PARD3B: variants seen among roughly 807,000 people sequenced by gnomAD.
PARD3B encodes par-3 family cell polarity regulator beta.
In PARD3B, 103 loss-of-function variants were observed where a neutral mutation model predicts 130.2. The observed-to-expected ratio is 0.79, with a 90% CI of 0.67 to 0.93. PARD3B has a LOEUF of 0.93. PARD3B is among the 40% of genes least tolerant of loss of function. PARD3B has a pLI of 0.00. For synonymous variants in PARD3B, 583 were observed against 553.2 expected (o/e 1.05, Z -0.76); for missense variants, 1,609 against 1,499.2 (o/e 1.07, Z -1.21).
At chr2:205,157,049 C>T (rs1360524293) in intron 10 of PARD3B, among the ~76,000 whole-genome samples, 1 of 152,126 alleles carries the variant, frequency 6.6e-6, no homozygotes, top group East Asian at 1.9e-4. Flanking sequence ...TAGACAAAAG[C>T]CAGAGAACCT....
intron 2 of PARD3B, among the ~76,000 whole-genome samples, chr2:204,726,236 A>G (rs563589169): frequency 1.3e-4 from 20 of 152,268 alleles, no homozygotes; most frequent in Admixed American, 1.3e-3. Flanking sequence ...GAGTAATGCA[A>G]TTTTAATGAG....
chr2:204,989,193 A>G (rs6748535), intron 3 of PARD3B, among the ~76,000 whole-genome samples: 151,148 of 152,256 alleles, frequency 0.99, 75,038 homozygotes, highest in Middle Eastern at 1. Flanking sequence ...CGATTTTTCA[A>G]AGGAAGTGAG....
Position 205,066,927 on chromosome 2 carries a change from T to A in PARD3B, c.504+19237T>A, listed in dbSNP as rs146077896. ...GAGTTGAAACTGACTTGGAGTCAGC[T>A]TCCCCTGAATCCCATGCAGTGCGTG... On this transcript the variant is annotated intron_variant, in intron 4 of 22. Transcript: ENST00000406610. 1.5e-3 allele frequency among the ~76,000 whole-genome samples: 222 copies of A among 152,100 alleles called. 1 individual carries two copies. The highest frequency in any genetic ancestry group is 5.3e-3 in the African/African-American group (218 of 41,510).
chr2:205,023,804 C>T (rs1167783364), intron 3 of PARD3B, among the ~76,000 whole-genome samples: 1 of 152,110 alleles, frequency 6.6e-6, no homozygotes, highest in East Asian at 1.9e-4. Flanking sequence ...GTTAAGACTA[C>T]ACTGCCTTTC....
At chr2:204,857,211 A>G (rs1446517101) in intron 2 of PARD3B, among the ~76,000 whole-genome samples, 2 of 152,176 alleles carry the variant, frequency 1.3e-5, no homozygotes, top group African/African-American at 4.8e-5. Flanking sequence ...TCTTCAGTTA[A>G]TATCATTCAG....
chr2:204,734,296 A>AC (rs1263778520), intron 2 of PARD3B, among the ~76,000 whole-genome samples: 2 of 152,048 alleles, frequency 1.3e-5, no homozygotes, highest in Admixed American at 1.3e-4. Flanking sequence ...AGCAGCTTGA[A>AC]CTCTCATACA....
chr2:204,618,909 T>C (rs889116150), intron 1 of PARD3B, among the ~76,000 whole-genome samples: 2 of 152,216 alleles, frequency 1.3e-5, no homozygotes, highest in Non-Finnish European at 2.9e-5. Context: ...TTCTATCTTA[T>C]TTTGTTCATT....
chr2:204,882,767 A>G (rs558749603), intron 2 of PARD3B, among the ~76,000 whole-genome samples: 1 of 152,260 alleles, frequency 6.6e-6, no homozygotes, highest in Admixed American at 6.5e-5. Context: ...CTCATCACTG[A>G]TTTAGATGGC....
intron 15 of PARD3B, among the ~76,000 whole-genome samples, chr2:205,242,644 C>T (rs1396127523): frequency 1.3e-5 from 2 of 152,152 alleles, no homozygotes; most frequent in Non-Finnish European, 2.9e-5. Context: ...ATTATTTTCT[C>T]TCTTTAGTTC....
intron 21 of PARD3B, among the ~76,000 whole-genome samples, chr2:205,546,154 T>TGGATTA (rs2052370074): frequency 6.6e-6 from 1 of 152,212 alleles, no homozygotes; most frequent in Non-Finnish European, 1.5e-5. Context: ...CCTGATAGGC[T>TGGATTA]TGTCACAGGC....
chr2:205,606,437 C>T (rs1299275829), intron 22 of PARD3B, among the ~76,000 whole-genome samples: 1 of 152,162 alleles, frequency 6.6e-6, no homozygotes, highest in East Asian at 1.9e-4. Flanking sequence ...TCATGCCACC[C>T]ACCTAGTCAG....
chr2:205,205,761 T>G (rs1219175073), intron 15 of PARD3B, among the ~76,000 whole-genome samples: 4 of 152,228 alleles, frequency 2.6e-5, no homozygotes, highest in African/African-American at 9.6e-5. Flanking sequence ...TTGATTTGCG[T>G]ATGTTGAACC....
Position 205,067,095 on chromosome 2 carries a change from C to CTTTTTTTTTTTTTTTTTTTTTTTTTTT in PARD3B, c.504+19408_504+19434dup, listed in dbSNP as rs10672449. 1.5e-4 allele frequency among the ~76,000 whole-genome samples: 9 copies of CTTTTTTTTTTTTTTTTTTTTTTTTTTT among 59,712 alleles called. 3 individuals are homozygous for CTTTTTTTTTTTTTTTTTTTTTTTTTTT. Among genetic ancestry groups the CTTTTTTTTTTTTTTTTTTTTTTTTTTT allele is most frequent in the African/African-American group, 5.1e-4 (7 of 13,666 alleles). 39.2% of individuals were successfully genotyped at this position (59,712 alleles called of 152,430 possible). A position where few individuals can be genotyped will look rare whatever the true frequency, so the allele number is the denominator to read the frequency against. On this transcript the variant is annotated intron_variant, in intron 4 of 22. Coordinates refer to ENST00000406610, the MANE Select transcript of PARD3B (RefSeq NM_001302769.2). The stretch of plus-strand genomic sequence containing the variant: ...GCATCTTGCATCCACTTTTACTAGG[C>CTTTTTTTTTTTTTTTTTTTTTTTTTTT]TTTTTTTTTTTTTTTTTTTTTTTTT...
At chr2:205,047,308 C>T (rs977637705) in intron 3 of PARD3B, among the ~76,000 whole-genome samples, 1 of 152,134 alleles carries the variant, frequency 6.6e-6, no homozygotes, top group African/African-American at 2.4e-5. Context: ...ACACAGTCAA[C>T]TTGTGCATTG....
Position 204,679,900 on chromosome 2 carries a change from G to C in PARD3B, c.121-6281G>C, listed in dbSNP as rs554773290. 2.6e-5 allele frequency among the ~76,000 whole-genome samples: 4 copies of C among 151,590 alleles called. No individual in the cohort carries two copies. The East Asian group carries it at 7.8e-4, about 29-fold the overall frequency. On this transcript the variant is annotated intron_variant, in intron 1 of 22. Coordinates refer to ENST00000406610, the MANE Select transcript of PARD3B (RefSeq NM_001302769.2). ...TGCATGACTGTAATAATTTCCACTT[G>C]GTTATCATGTATTATTCCTTATAGA...
At chr2:205,238,882 G>GTA (rs1432957692) in intron 15 of PARD3B, among the ~76,000 whole-genome samples, 39 of 72,324 alleles carry the variant, frequency 5.4e-4, no homozygotes, top group East Asian at 1.7e-3. Context: ...ATATATGTAT[G>GTA]TGTGTATATA....
intron 1 of PARD3B, among the ~76,000 whole-genome samples, chr2:204,648,515 T>A (rs1574615021): frequency 7.0e-6 from 1 of 142,962 alleles, no homozygotes; most frequent in Non-Finnish European, 1.5e-5. Context: ...TTATGAGTTG[T>A]GGGCAAGCAT....
At chr2:205,336,247 T>C (rs183302035) in intron 18 of PARD3B, among the ~76,000 whole-genome samples, 97 of 152,366 alleles carry the variant, frequency 6.4e-4, no homozygotes, top group African/African-American at 2.2e-3. Context: ...GATATCAGGA[T>C]TGTGATTATC....
intron 4 of PARD3B, among the ~76,000 whole-genome samples, chr2:205,057,817 G>C (rs949420541): frequency 1.3e-5 from 2 of 150,650 alleles, no homozygotes; most frequent in South Asian, 2.1e-4. Flanking sequence ...CTCCTGCCTT[G>C]AAACCCTTGA....
Sources: allele counts gnomAD v4.1 joint callset (sites outside exome capture counted in the v4.1 genomes callset), GRCh38; gene constraint gnomAD v4.1.1; transcripts MANE v1.5; gene names NCBI Gene and HGNC (gene_info 2026-07-23, HGNC 2026-07-21).